The following CHST9 variants were observed in gnomAD, a reference collection of about 807,000 sequenced individuals.
CHST9 encodes carbohydrate sulfotransferase 9.
CHST9 carries 41 observed loss-of-function variants against 44.4 expected under a neutral mutation model. The ratio of observed to expected loss-of-function variants is 0.92; its 90% CI spans 0.72 to 1.20. CHST9 has a LOEUF of 1.20. Ranked by LOEUF, CHST9 falls within the 50% of genes most tolerant of loss-of-function variation. The pLI, the probability that CHST9 is intolerant of heterozygous loss-of-function variation, is 0.00. For missense variants in CHST9, 504 were observed against 516.5 expected (o/e 0.98, Z 0.23); for synonymous variants, 171 against 178.4 (o/e 0.96, Z 0.33).
chr18:27,098,846 C>T (rs2058143612), intron 2 of CHST9, among the ~76,000 whole-genome samples: 1 of 150,608 alleles, frequency 6.6e-6, no homozygotes, highest in East Asian at 1.9e-4. Flanking sequence ...AAAAACAAAC[C>T]TATCCTAAAA....
chr18:27,138,033 C>T (rs2058531531), intron 2 of CHST9, among the ~76,000 whole-genome samples: 1 of 152,152 alleles, frequency 6.6e-6, no homozygotes. Context: ...CCTTCTAGCA[C>T]TTCTATCTGG....
At chr18:27,174,693 T>C (rs1233767856) in intron 1 of CHST9, among the ~76,000 whole-genome samples, 4 of 152,060 alleles carry the variant, frequency 2.6e-5, no homozygotes, top group Admixed American at 1.3e-4. Flanking sequence ...TATCAGCTTG[T>C]ATTCTTCAGT....
intron 2 of CHST9, among the ~76,000 whole-genome samples, chr18:27,068,662 C>A (rs1476429418): frequency 1.3e-5 from 2 of 152,130 alleles, no homozygotes; most frequent in African/African-American, 4.8e-5. Context: ...AATTTGTACC[C>A]TATATTCATT....
chr18:26,959,913 A>G (rs1219615584), intron 4 of CHST9, among the ~76,000 whole-genome samples: 1 of 152,104 alleles, frequency 6.6e-6, no homozygotes, highest in Non-Finnish European at 1.5e-5. Flanking sequence ...TGTAGGGCAC[A>G]TTGTATGAGT....
At chr18:26,961,900 G>C (rs1220016109) in intron 4 of CHST9, among the ~76,000 whole-genome samples, 4 of 152,128 alleles carry the variant, frequency 2.6e-5, no homozygotes, top group African/African-American at 9.7e-5. Flanking sequence ...ATTCATACCT[G>C]GTTTGAAAGT....
At chr18:27,064,260 C>A (rs900365944) in intron 2 of CHST9, among the ~76,000 whole-genome samples, 5 of 135,340 alleles carry the variant, frequency 3.7e-5, no homozygotes, top group Admixed American at 7.3e-5. Context: ...AATACCTAAG[C>A]CTTACAGCGA....
intron 2 of CHST9, among the ~76,000 whole-genome samples, chr18:27,128,210 G>A (rs1351405915): frequency 6.6e-6 from 1 of 152,156 alleles, no homozygotes; most frequent in African/African-American, 2.4e-5. Context: ...CATTGGTTAT[G>A]AGGCTTCTTC....
At chr18:26,991,782 G>A (rs2056819796) in intron 4 of CHST9, among the ~76,000 whole-genome samples, 1 of 127,134 alleles carries the variant, frequency 7.9e-6, no homozygotes, top group Non-Finnish European at 1.8e-5. Flanking sequence ...ATGAAGACGA[G>A]GACTAAGACC....
rs566791415 is a variant in CHST9, at chr18:27,087,858, CTTG to C, written c.122-39358_122-39356del. On this transcript the variant is annotated intron_variant, in intron 2 of 5. Coordinates refer to ENST00000618847, the MANE Select transcript of CHST9 (RefSeq NM_031422.6). ...GGGAAATGAGAGCTTCTCCCGTACACTTGTTGGTCCTAGACACTGCCCAAGGTG... is the reference window on the plus strand; with the variant it reads ...GGGAAATGAGAGCTTCTCCCGTACACTTGGTCCTAGACACTGCCCAAGGTG... Among the ~76,000 whole-genome samples, 402 of 152,300 alleles carry C rather than the reference CTTG, an allele frequency of 2.6e-3. 1 individual carries two copies. The highest frequency in any genetic ancestry group is 9.5e-3 in the African/African-American group (393 of 41,566).
chr18:27,045,650 C>A (rs183514601), intron 3 of CHST9, among the ~76,000 whole-genome samples: 1 of 151,878 alleles, frequency 6.6e-6, no homozygotes, highest in Non-Finnish European at 1.5e-5. Flanking sequence ...ATGTTTCTAA[C>A]CATATTCTAT....
intron 1 of CHST9, among the ~76,000 whole-genome samples, chr18:27,156,760 A>G (rs1035011156): frequency 1.3e-5 from 2 of 152,168 alleles, no homozygotes; most frequent in Non-Finnish European, 2.9e-5. Context: ...AATGTAAAAC[A>G]GAATGGATCA....
chr18:26,931,914 G>T (rs1321023283), intron 5 of CHST9, among the ~76,000 whole-genome samples: 1 of 151,874 alleles, frequency 6.6e-6, no homozygotes, highest in African/African-American at 2.4e-5. Context: ...ATCCAGTCTT[G>T]TCCAGCTCCA....
chr18:26,994,369 G>C (rs1046692448), intron 4 of CHST9, among the ~76,000 whole-genome samples: 6 of 152,304 alleles, frequency 3.9e-5, no homozygotes, highest in Middle Eastern at 3.4e-3. Context: ...TGCTTACTCT[G>C]TGTTGTGTGT....
At chr18:27,056,047 A>G (rs976926014) in intron 2 of CHST9, among the ~76,000 whole-genome samples, 11 of 152,178 alleles carry the variant, frequency 7.2e-5, no homozygotes, top group Non-Finnish European at 1.2e-4. Context: ...AATTATTTAA[A>G]AAAATTTTCT....
chr18:26,945,056 A>C (rs1355748349), intron 4 of CHST9, among the ~76,000 whole-genome samples: 1 of 152,216 alleles, frequency 6.6e-6, no homozygotes, highest in Non-Finnish European at 1.5e-5. Context: ...AAGTAGAGGA[A>C]AATAAAATCC....
At chr18:26,971,939 G>A (rs1442148745) in intron 4 of CHST9, among the ~76,000 whole-genome samples, 1 of 152,188 alleles carries the variant, frequency 6.6e-6, no homozygotes, top group Non-Finnish European at 1.5e-5. Flanking sequence ...GACACGATAG[G>A]TAAGTAAATG....
chr18:26,989,180 A>T (rs531007113), intron 4 of CHST9, among the ~76,000 whole-genome samples: 4 of 152,190 alleles, frequency 2.6e-5, no homozygotes, highest in African/African-American at 9.6e-5. Flanking sequence ...AAATATATGC[A>T]AAGCATATCA....
chr18:27,070,372 G>A (rs997124650), intron 2 of CHST9, among the ~76,000 whole-genome samples: 2 of 152,082 alleles, frequency 1.3e-5, no homozygotes, highest in African/African-American at 4.8e-5. Flanking sequence ...TTGGCTGACT[G>A]GGCCAAATAT....
At chr18:27,070,583 G>A (rs2057827696) in intron 2 of CHST9, among the ~76,000 whole-genome samples, 4 of 152,114 alleles carry the variant, frequency 2.6e-5, no homozygotes, top group Admixed American at 2.6e-4. Flanking sequence ...TTTCACTCTT[G>A]CATTTATTTA....
Sources: gnomAD v4.1 joint callset for allele counts (sites outside exome capture counted in the v4.1 genomes callset) on GRCh38, gnomAD v4.1.1 for gene constraint, MANE v1.5 for transcripts, NCBI Gene and HGNC (gene_info 2026-07-23, HGNC 2026-07-21) for gene names.